The following DNAH3 variants were observed in gnomAD, a reference collection of about 807,000 sequenced individuals.
The protein encoded by DNAH3 is dynein axonemal heavy chain 3, also known as axonemal beta dynein heavy chain 3.
A neutral mutation model predicts 432.5 loss-of-function variants in DNAH3; 332 were observed. The observed-to-expected ratio is 0.77, with a 90% CI of 0.70 to 0.84. The LOEUF (loss-of-function observed/expected upper bound fraction) is 0.84. DNAH3 is among the 40% of genes least tolerant of loss of function. The pLI is 0.00. For missense variants in DNAH3, 4,861 were observed against 5,114.0 expected (o/e 0.95, Z 1.51); for synonymous variants, 1,956 against 1,900.2 (o/e 1.03, Z -0.76).
At chr16:21,083,516 G>A (rs1393525040) in intron 19 of DNAH3, among the ~76,000 whole-genome samples, 1 of 152,160 alleles carries the variant, frequency 6.6e-6, no homozygotes, top group Non-Finnish European at 1.5e-5. Context: ...TAGATTTGTG[G>A]CTTCCATTTC....
At position 21,049,904 on chromosome 16, in the gene DNAH3, G is replaced by A. The variant is rs1297911423; in HGVS notation, c.4347+6C>T. The A allele has an allele frequency of 6.2e-7, 1 of 1,610,586 alleles. No homozygotes were observed. Among genetic ancestry groups the A allele is most frequent in the South Asian group, 1.1e-5 (1 of 90,976 alleles). ...GAGAGGGAGGGGATAGATGGCATTT[G>A]CTTACCTGCTTAGCCAAGGCTTTGG... On this transcript the variant is annotated splice_donor_region_variant and intron_variant, in intron 30 of 61. Transcript: ENST00000261383.
intron 20 of DNAH3, among the ~76,000 whole-genome samples, chr16:21,080,778 G>A (rs766884080): frequency 5.4e-5 from 8 of 149,334 alleles, no homozygotes; most frequent in South Asian, 4.3e-4. Flanking sequence ...CCCACCCATC[G>A]CCCTGAAGGA....
chr16:21,052,862 C>T (rs1227166057), intron 28 of DNAH3, among the ~76,000 whole-genome samples: 1 of 152,132 alleles, frequency 6.6e-6, no homozygotes, highest in African/African-American at 2.4e-5. Context: ...CCTTATATAG[C>T]AGGGGAAGGA....
chr16:21,023,786 G>GGTGTGTGTGTGTGT (rs3220045), intron 39 of DNAH3, among the ~76,000 whole-genome samples: 26 of 146,480 alleles, frequency 1.8e-4, no homozygotes, highest in South Asian at 6.7e-4. Flanking sequence ...CAGCTTTTGG[G>GGTGTGTGTGTGTGT]GTGTGTGTGT....
chr16:21,032,497 C>T (rs1008694402), intron 36 of DNAH3, among the ~76,000 whole-genome samples: 2 of 152,066 alleles, frequency 1.3e-5, no homozygotes, highest in African/African-American at 4.8e-5. Flanking sequence ...AGTTGAAGTG[C>T]TTGAGTCATG....
intron 51 of DNAH3, among the ~76,000 whole-genome samples, chr16:20,972,591 G>A (rs2085391269): frequency 6.6e-6 from 1 of 151,942 alleles, no homozygotes; most frequent in Non-Finnish European, 1.5e-5. Flanking sequence ...AGGACTACAA[G>A]TGAAAAAGCA....
At chr16:21,138,613 C>T (rs1490481452) in intron 5 of DNAH3, among the ~76,000 whole-genome samples, 1 of 152,166 alleles carries the variant, frequency 6.6e-6, no homozygotes, top group Non-Finnish European at 1.5e-5. Flanking sequence ...GAGTTCGAGA[C>T]CAGCTTGACC....
chr16:21,110,624 CTGTT>C (rs796871686), intron 14 of DNAH3, among the ~76,000 whole-genome samples: 119 of 152,324 alleles, frequency 7.8e-4, no homozygotes, highest in African/African-American at 2.8e-3. Flanking sequence ...CCAAGCTAGT[CTGTT>C]TGAGCTTCTA....
intron 6 of DNAH3, among the ~76,000 whole-genome samples, chr16:21,135,691 C>T (rs2092632215): frequency 6.6e-6 from 1 of 151,558 alleles, no homozygotes; most frequent in Non-Finnish European, 1.5e-5. Flanking sequence ...CACACCACTG[C>T]ACTTCAGCCT....
exon 9 of DNAH3, chr16:21,125,219 T>G: frequency 6.2e-7 from 1 of 1,612,808 alleles, no homozygotes; most frequent in Non-Finnish European, 8.5e-7. Context: ...AGTGACTTAA[T>G]GACCAGCTCC....
intron 14 of DNAH3, among the ~76,000 whole-genome samples, chr16:21,109,392 T>A (rs950443634): frequency 1.3e-5 from 2 of 152,248 alleles, no homozygotes; most frequent in Admixed American, 6.5e-5. Flanking sequence ...CCTGATTAGA[T>A]CTATTCTGTG....
At chr16:20,933,222 G>A (rs2083470877) in exon 62 of DNAH3, 1 of 1,614,128 alleles carries the variant, frequency 6.2e-7, no homozygotes, top group Admixed American at 1.7e-5. Context: ...ATGTCTGTTG[G>A]AAGCTCAATG....
At chr16:21,102,653 G>C (rs980728467) in intron 16 of DNAH3, among the ~76,000 whole-genome samples, 6 of 152,074 alleles carry the variant, frequency 3.9e-5, no homozygotes, top group African/African-American at 2.4e-5. Context: ...TGCCACCCAA[G>C]TTGTAAGTTT....
In DNAH3 at chr16:21,069,493, G is replaced by A. The variant is rs763676943; in HGVS notation, c.3303C>T (p.Asp1101=). 6.8e-6 allele frequency: 11 copies of A among 1,614,110 alleles called. No homozygotes were observed. The Admixed American group carries it at 1.7e-4, about 24-fold the overall frequency. Residue 1101 remains aspartate, a synonymous_variant, in exon 23 of 62, where the codon GAC becomes GAT. Coordinates refer to ENST00000261383, the Ensembl canonical transcript of DNAH3. ...CCTCTTCTGGCATCTGGGCTATGAT[G>A]TCCTCTGAACTGAAGATTGGTTCCA...
At chr16:21,120,514 CTA>C in intron 11 of DNAH3, 1 of 589,522 alleles carries the variant, frequency 1.7e-6, no homozygotes, top group African/African-American at 1.9e-5. Flanking sequence ...ACCTGCAGGA[CTA>C]TGTTTTTAAG....
At chr16:20,969,767 G>A in intron 52 of DNAH3, 25 bp downstream of exon 52, 1 of 1,613,572 alleles carries the variant, frequency 6.2e-7, no homozygotes, top group Non-Finnish European at 8.5e-7. Context: ...AGCCTGTGCA[G>A]GCATCTGGGT....
chr16:20,951,802 G>T (rs557317221), intron 56 of DNAH3, among the ~76,000 whole-genome samples: 1 of 142,606 alleles, frequency 7.0e-6, no homozygotes, highest in Non-Finnish European at 1.5e-5. Flanking sequence ...ATGCAGTGGC[G>T]CAATTTCAGT....
intron 52 of DNAH3, 38 bp downstream of exon 52, chr16:20,969,754 A>C: frequency 6.2e-7 from 1 of 1,610,630 alleles, no homozygotes; most frequent in Non-Finnish European, 8.5e-7. Flanking sequence ...GCCAGGAAAG[A>C]GCAGCCTGTG....
chr16:20,972,643 C>T (rs1270251072), intron 51 of DNAH3, among the ~76,000 whole-genome samples: 1 of 151,772 alleles, frequency 6.6e-6, no homozygotes, highest in East Asian at 1.9e-4. Context: ...TGACAGGGAT[C>T]AGACCCACCC....
Sources: allele counts gnomAD v4.1 joint callset (sites outside exome capture counted in the v4.1 genomes callset), GRCh38; gene constraint gnomAD v4.1.1; transcripts MANE v1.5; gene names NCBI Gene and HGNC (gene_info 2026-07-23, HGNC 2026-07-21).